KCNH8: variants seen among roughly 807,000 people sequenced by gnomAD.
KCNH8 encodes voltage-gated delayed rectifier potassium channel KCNH8.
KCNH8 carries 70 observed loss-of-function variants against 103.6 expected under a neutral mutation model. The observed-to-expected ratio is 0.68, with a 90% CI of 0.56 to 0.82. The LOEUF is 0.82. KCNH8 is among the 40% of genes least tolerant of loss of function. The probability of loss-of-function intolerance (pLI) is 0.00; values close to 1 mark genes in which losing one functional copy is unlikely to be tolerated. For missense variants in KCNH8, 1,217 were observed against 1,329.9 expected, an observed-to-expected ratio of 0.92 and a Z score of 1.32; for synonymous variants, 498 against 489.4, an observed-to-expected ratio of 1.02 and a Z score of -0.23.
chr3:19,237,493 C>T (rs571197758), intron 1 of KCNH8, among the ~76,000 whole-genome samples: 1 of 152,308 alleles, frequency 6.6e-6, no homozygotes, highest in African/African-American at 2.4e-5. Flanking sequence ...CACATTAGTA[C>T]AAGGAATACA....
intron 1 of KCNH8, among the ~76,000 whole-genome samples, chr3:19,188,565 G>C (rs983889394): frequency 6.6e-6 from 1 of 151,952 alleles, no homozygotes; most frequent in Non-Finnish European, 1.5e-5. Context: ...AATAAAAATC[G>C]ATTTATAAAT....
chr3:19,375,588 A>G (rs1324936586), intron 5 of KCNH8, among the ~76,000 whole-genome samples: 1 of 151,700 alleles, frequency 6.6e-6, no homozygotes, highest in Admixed American at 6.6e-5. Flanking sequence ...GATCGTCTGA[A>G]GCCTTCTTCT....
rs145629276 is a variant in KCNH8, at chr3:19,390,612, C to T, written c.943C>T (p.Leu315Phe). The T allele has an allele frequency of 7.4e-6, 12 of 1,613,274 alleles. No individual in the cohort carries two copies. Among genetic ancestry groups the T allele is most frequent in the South Asian group, 1.1e-5 (1 of 91,004 alleles). The change falls in exon 6 of 16, where the codon CTT becomes TTT. Residue 315 changes from leucine (L) to phenylalanine (F), a missense_variant. Physicochemically the swap from Leu to Phe is conservative, Grantham distance 22 (BLOSUM62 0). Around this residue, in one of 3 missense-constraint regions of KCNH8, gnomAD observed 415 missense variants for 577.4 expected, o/e 0.72. Coordinates refer to ENST00000328405, the MANE Select transcript of KCNH8 (RefSeq NM_144633.3). ...TTTAATCGCTGCCCTGCCTTTTGAT[C>T]TTCTGTATGCTTTCAACGTCACAGT... ...IDLIAALPFD[L>F]LYAFNVTVVS...
chr3:19,238,441 A>G (rs1269694796), intron 1 of KCNH8, among the ~76,000 whole-genome samples: 4 of 152,238 alleles, frequency 2.6e-5, no homozygotes, highest in Non-Finnish European at 5.9e-5. Flanking sequence ...AAAGAAAAAA[A>G]TATCCAGGAA....
chr3:19,510,304 A>C (rs929550605), intron 11 of KCNH8, 59 bp from the exon 12 acceptor site: 9 of 1,029,252 alleles, frequency 8.7e-6, no homozygotes, highest in Admixed American at 8.6e-5. Context: ...GCTGCATTTC[A>C]CCCAGTCCCA....
chr3:19,486,321 G>C (rs1041367448), intron 11 of KCNH8, among the ~76,000 whole-genome samples: 39 of 152,252 alleles, frequency 2.6e-4, no homozygotes, highest in Admixed American at 2.3e-3. Flanking sequence ...TTTTCACAAA[G>C]CAAGCTTTGG....
chr3:19,435,264 CTTCTGGGTTAAAA>C lies in KCNH8; in HGVS notation c.1178-2894_1178-2882del, dbSNP rs896466167. 8.5e-5 allele frequency among the ~76,000 whole-genome samples: 13 copies of C among 152,190 alleles called. 1 individual carries two copies. In the South Asian group the frequency reaches 1.7e-3, roughly 19 times the overall value. On this transcript the variant is annotated intron_variant, in intron 7 of 15. Transcript: ENST00000328405. ...GGAAAAAAATACAACAAAATGATTA[CTTCTGGGTTAAAA>C]TTCTGATAATGCCACTTTGAACAAG... is the stretch of plus-strand genomic sequence containing the variant.
rs540004881 is a variant in KCNH8, at chr3:19,289,425, A to G, written c.442+8096A>G. Among the ~76,000 whole-genome samples, 89 of 152,206 alleles carry G rather than the reference A, an allele frequency of 5.8e-4. 1 individual carries two copies. The highest frequency in any genetic ancestry group is 1.1e-3 in the Non-Finnish European group (78 of 67,986). On this transcript the variant is annotated intron_variant, in intron 3 of 15. Transcript: ENST00000328405. Reference sequence around the variant, plus strand: ...GTGTAAGGTGTAAGGAAGGGATCCAATTTCAGCTTTCTCCATATGGCTAGC... The same window carrying G: ...GTGTAAGGTGTAAGGAAGGGATCCAGTTTCAGCTTTCTCCATATGGCTAGC...
intron 3 of KCNH8, among the ~76,000 whole-genome samples, chr3:19,291,393 T>G (rs1271296184): frequency 6.6e-6 from 1 of 152,228 alleles, no homozygotes; most frequent in Non-Finnish European, 1.5e-5. Context: ...TGCTATAAAT[T>G]TCCCTCTTCA....
chr3:19,168,369 A>G (rs1011165624), intron 1 of KCNH8, among the ~76,000 whole-genome samples: 1 of 152,138 alleles, frequency 6.6e-6, no homozygotes, highest in Non-Finnish European at 1.5e-5. Context: ...CAAGAACATC[A>G]TATAAATGGA....
At chr3:19,487,442 TG>T (rs1473688546) in intron 11 of KCNH8, among the ~76,000 whole-genome samples, 2 of 152,170 alleles carry the variant, frequency 1.3e-5, no homozygotes, top group Non-Finnish European at 2.9e-5. Flanking sequence ...CTATGGAGAC[TG>T]GCAAGGAACT....
At chr3:19,477,039 A>G (rs2067990929) in intron 11 of KCNH8, among the ~76,000 whole-genome samples, 1 of 152,152 alleles carries the variant, frequency 6.6e-6, no homozygotes, top group Non-Finnish European at 1.5e-5. Flanking sequence ...ATGCCTGGCC[A>G]TTTCTTTATA....
intron 15 of KCNH8, among the ~76,000 whole-genome samples, chr3:19,528,572 G>C (rs1248050564): frequency 6.6e-6 from 1 of 152,068 alleles, no homozygotes; most frequent in African/African-American, 2.4e-5. Flanking sequence ...GTTTAGGAAA[G>C]TTGTATATGT....
At chr3:19,492,285 G>A (rs77016855) in intron 11 of KCNH8, among the ~76,000 whole-genome samples, 9,341 of 152,036 alleles carry the variant, frequency 0.061, 584 homozygotes, top group East Asian at 0.26. Context: ...CTAGGTTTTC[G>A]TCTAAGATAT....
intron 1 of KCNH8, among the ~76,000 whole-genome samples, chr3:19,207,505 T>C (rs1201544643): frequency 6.6e-6 from 1 of 151,990 alleles, no homozygotes; most frequent in Non-Finnish European, 1.5e-5. Flanking sequence ...ATTCAAATAG[T>C]CTTTGATTAT....
intron 5 of KCNH8, among the ~76,000 whole-genome samples, chr3:19,348,920 T>C (rs2065763267): frequency 6.6e-6 from 1 of 152,026 alleles, no homozygotes; most frequent in Admixed American, 6.6e-5. Flanking sequence ...GTTTTTTTGG[T>C]TTTTTCTCAG....
intron 11 of KCNH8, among the ~76,000 whole-genome samples, chr3:19,496,261 C>A (rs753246643): frequency 6.6e-6 from 1 of 152,150 alleles, no homozygotes; most frequent in African/African-American, 2.4e-5. Context: ...GAGGGCATCC[C>A]TGTCTTGCTC....
intron 11 of KCNH8, among the ~76,000 whole-genome samples, chr3:19,500,766 G>A (rs1320777849): frequency 6.6e-6 from 1 of 152,064 alleles, no homozygotes; most frequent in Non-Finnish European, 1.5e-5. Context: ...GAATCTCTGG[G>A]ACACATTCAA....
intron 1 of KCNH8, among the ~76,000 whole-genome samples, chr3:19,247,118 A>T (rs2064216615): frequency 6.6e-6 from 1 of 152,214 alleles, no homozygotes; most frequent in Non-Finnish European, 1.5e-5. Context: ...AAACCTAGCA[A>T]TATGAAGCCT....
Sources: gnomAD v4.1 joint callset for allele counts (sites outside exome capture counted in the v4.1 genomes callset) on GRCh38, gnomAD v4.1.1 for gene constraint, gnomAD v4.1.1 regional missense constraint, MANE v1.5 for transcripts, NCBI Gene and HGNC (gene_info 2026-07-23, HGNC 2026-07-21) for gene names.